The following ACLY variants were observed in gnomAD, a reference collection of about 807,000 sequenced individuals.
ACLY encodes the protein ATP citrate lyase.
Under a neutral mutation model 133.0 loss-of-function variants are expected in ACLY, and 41 were observed. That is an observed-to-expected ratio of 0.31 (90% CI 0.24 to 0.40). The LOEUF (loss-of-function observed/expected upper bound fraction) is 0.40, where lower values mean the gene tolerates loss of function less well. Among genes scored for constraint, ACLY ranks in the 10% least tolerant of loss-of-function variants. The pLI, the probability that ACLY is intolerant of heterozygous loss-of-function variation, is 1.00. For synonymous variants in ACLY, 495 were observed against 549.3 expected (o/e 0.90, Z 1.38); for missense variants, 1,046 against 1,453.8 (o/e 0.72, Z 4.56).
chr17:41,892,337 T>G lies in ACLY; in HGVS notation c.1712A>C (p.Asn571Thr), dbSNP rs1271782057. 1 of 1,612,306 alleles carries G rather than the reference T, an allele frequency of 6.2e-7. No individual in the cohort carries two copies. Among genetic ancestry groups the G allele is most frequent in the Admixed American group, 1.7e-5 (1 of 59,800 alleles). The change falls in exon 16 of 29, where the codon AAC (asparagine) becomes ACC (threonine). Residue 571 changes from asparagine (N) to threonine (T), a missense_variant. Asn to Thr is a moderately conservative substitution (Grantham distance 65). Transcript: ENST00000352035. ...ATAGGCAGAGCGGAGAGAGGCAAAG[T>G]TGATGAGCACATCTACCTCCGGATG... ...RKHPEVDVLI[N>T]FASLRSAYDS...
chr17:41,875,606 T>G (rs552325945), intron 22 of ACLY, among the ~76,000 whole-genome samples: 31 of 152,296 alleles, frequency 2.0e-4, no homozygotes, highest in African/African-American at 7.2e-4. Flanking sequence ...CACGCCTGAC[T>G]GGTTTTCGTA....
Position 41,886,102 on chromosome 17 carries a change from AG to A in ACLY, c.2072+9del. 2 of 1,606,332 alleles carry A rather than the reference AG, an allele frequency of 1.2e-6. No individual in the cohort carries two copies. The highest frequency in any genetic ancestry group is 1.7e-6 in the Non-Finnish European group (2 of 1,173,828). ...GCAGGAAGCCCCTCCTTGGCTTCCC[AG>A]CTGATTACCTGTCCCCACCAATGGC... On this transcript the variant is annotated intron_variant, in intron 18 of 28. Transcript: ENST00000352035.
intron 11 of ACLY, among the ~76,000 whole-genome samples, chr17:41,899,860 A>T (rs1324865849): frequency 1.3e-5 from 2 of 151,844 alleles, no homozygotes; most frequent in African/African-American, 2.4e-5. Context: ...CCTGGGCAAC[A>T]TGGCAAAAGT....
chr17:41,910,312 T>G, intron 3 of ACLY, 28 bp from the exon 4 acceptor site: 1 of 1,594,882 alleles, frequency 6.3e-7, no homozygotes, highest in South Asian at 1.1e-5. Context: ...GAGATGAAAC[T>G]CAGAGGGACA....
chr17:41,924,171 G>C (rs1166105553), intron 1 of ACLY, among the ~76,000 whole-genome samples: 2 of 150,732 alleles, frequency 1.3e-5, no homozygotes, highest in Non-Finnish European at 2.9e-5. Flanking sequence ...TTGAGACTGA[G>C]TCTCGCTCTG....
At chr17:41,918,779 C>A in intron 1 of ACLY, 101 bp downstream of exon 1, 2 of 1,249,968 alleles carry the variant, frequency 1.6e-6, no homozygotes, top group Non-Finnish European at 2.1e-6. Context: ...GCGTGGGCAC[C>A]GAGCCCGCGT....
intron 19 of ACLY, among the ~76,000 whole-genome samples, chr17:41,883,822 T>C (rs1473977600): frequency 1.3e-5 from 2 of 152,072 alleles, no homozygotes; most frequent in African/African-American, 4.8e-5. Context: ...TGATCTCAAG[T>C]GACCCAGTTG....
intron 1 of ACLY, among the ~76,000 whole-genome samples, chr17:41,924,230 C>T (rs773381729): frequency 2.0e-5 from 3 of 151,862 alleles, no homozygotes; most frequent in Non-Finnish European, 2.9e-5. Context: ...CTGCAACCTC[C>T]GCCTCCTGGG....
chr17:41,896,284 C>T (rs1385605697), intron 14 of ACLY, among the ~76,000 whole-genome samples: 1 of 152,182 alleles, frequency 6.6e-6, no homozygotes, highest in Non-Finnish European at 1.5e-5. Flanking sequence ...TGGCTCCCTC[C>T]TTCCCAGGCG....
chr17:41,883,757 A>G (rs1260014816), intron 19 of ACLY, among the ~76,000 whole-genome samples: 1 of 151,434 alleles, frequency 6.6e-6, no homozygotes, highest in Admixed American at 6.6e-5. Flanking sequence ...GCTAATTTTT[A>G]TATTTTTAGT....
At chr17:41,884,710 C>T (rs2049005711) in intron 18 of ACLY, among the ~76,000 whole-genome samples, 1 of 152,158 alleles carries the variant, frequency 6.6e-6, no homozygotes, top group African/African-American at 2.4e-5. Flanking sequence ...CATGGCGAAA[C>T]CCCGTCTCTA....
At chr17:41,901,302 C>T (rs531391475) in intron 11 of ACLY, among the ~76,000 whole-genome samples, 6 of 152,032 alleles carry the variant, frequency 3.9e-5, no homozygotes, top group African/African-American at 1.4e-4. Context: ...CTGCCCCGAC[C>T]CCTCCCACAT....
intron 3 of ACLY, among the ~76,000 whole-genome samples, 193 bp from the exon 4 acceptor site, chr17:41,910,477 T>A (rs1338874872): frequency 1.3e-5 from 2 of 152,238 alleles, no homozygotes; most frequent in Non-Finnish European, 2.9e-5. Flanking sequence ...TTTCACCCCT[T>A]GCTCTGGTGC....
At chr17:41,923,804 T>TTTTG (rs1349269180), upstream of ACLY, among the ~76,000 whole-genome samples, 46 of 152,158 alleles carry the variant, frequency 3.0e-4, no homozygotes, top group South Asian at 6.2e-4. Context: ...TCTACTATTT[T>TTTTG]TTTGTTTGTT....
chr17:41,885,600 C>T (rs1555628005), intron 18 of ACLY, among the ~76,000 whole-genome samples: 1 of 152,196 alleles, frequency 6.6e-6, no homozygotes, highest in East Asian at 1.9e-4. Context: ...ACTCACTGAG[C>T]ACCTGCTGAA....
At chr17:41,870,041 T>G (rs1174628778) in intron 25 of ACLY, among the ~76,000 whole-genome samples, 4 of 152,124 alleles carry the variant, frequency 2.6e-5, no homozygotes, top group Non-Finnish European at 5.9e-5. Context: ...ATTCCCAAAA[T>G]TTTAGGGAAA....
intron 5 of ACLY, 58 bp from the exon 6 acceptor site, chr17:41,909,126 C>G: frequency 7.4e-7 from 1 of 1,347,180 alleles, no homozygotes; most frequent in Admixed American, 1.9e-5. Context: ...TCGGCAGCAC[C>G]CCAGGCGCCC....
At chr17:41,913,353 A>T (rs1416903024) in intron 2 of ACLY, among the ~76,000 whole-genome samples, 3 of 152,258 alleles carry the variant, frequency 2.0e-5, no homozygotes, top group Non-Finnish European at 4.4e-5. Flanking sequence ...CAAGCACGCT[A>T]AATGCTTCTT....
intron 20 of ACLY, 126 bp from the exon 21 acceptor site, chr17:41,879,050 G>C: frequency 8.6e-7 from 1 of 1,158,384 alleles, no homozygotes; most frequent in East Asian, 2.5e-5. Flanking sequence ...TCACTGAATA[G>C]GTACAATAGA....
Sources: gnomAD v4.1 joint callset for allele counts (sites outside exome capture counted in the v4.1 genomes callset) on GRCh38, gnomAD v4.1.1 for gene constraint, MANE v1.5 for transcripts, NCBI Gene and HGNC (gene_info 2026-07-23, HGNC 2026-07-21) for gene names.